TDRD3: variants seen among roughly 807,000 people sequenced by gnomAD.
TDRD3 encodes the protein tudor domain containing 3.
Under a neutral mutation model 86.7 loss-of-function variants are expected in TDRD3, and 45 were observed. That is an observed-to-expected ratio of 0.52 (90% CI 0.41 to 0.67). TDRD3 has a LOEUF of 0.67. TDRD3 is among the 30% of genes least tolerant of loss of function. The pLI is 0.00. For synonymous variants in TDRD3, 298 were observed against 301.7 expected (o/e 0.99, Z 0.13); for missense variants, 814 against 889.0 (o/e 0.92, Z 1.07).
chr13:60,462,460 G>T (rs919884935), intron 4 of TDRD3, among the ~76,000 whole-genome samples: 17 of 152,150 alleles, frequency 1.1e-4, no homozygotes, highest in African/African-American at 3.4e-4. Context: ...CGTAAAAATG[G>T]CAGCTGACAA....
At chr13:60,515,778 T>C (rs1244267769) in intron 10 of TDRD3, among the ~76,000 whole-genome samples, 1 of 152,222 alleles carries the variant, frequency 6.6e-6, no homozygotes, top group African/African-American at 2.4e-5. Flanking sequence ...GTATTTTTAA[T>C]TGGAGTTAAA....
Position 60,502,306 on chromosome 13 carries a change from G to A in TDRD3, c.859-7457G>A, listed in dbSNP as rs988240636. Among the ~76,000 whole-genome samples the A allele has an allele frequency of 2.0e-5, 3 of 152,144 alleles. No homozygotes were observed. The South Asian group carries it at 6.2e-4, about 32-fold the overall frequency. On this transcript the variant is annotated intron_variant, in intron 8 of 13. Coordinates refer to ENST00000377881, the MANE Select transcript of TDRD3 (RefSeq NM_001146070.2). The stretch of plus-strand genomic sequence containing the variant: ...ATCACCACTTGATTCACAGGAATAA[G>A]CAGGGTTAGTCTAAAATGTCAACAA...
At chr13:60,469,357 C>T (rs1956023485) in intron 5 of TDRD3, among the ~76,000 whole-genome samples, 1 of 151,660 alleles carries the variant, frequency 6.6e-6, no homozygotes, top group Non-Finnish European at 1.5e-5. Context: ...TTCCCACAAC[C>T]CAGTCCCATA....
chr13:60,472,852 C>T (rs925374329), intron 5 of TDRD3, among the ~76,000 whole-genome samples: 1 of 151,964 alleles, frequency 6.6e-6, no homozygotes, highest in Non-Finnish European at 1.5e-5. Flanking sequence ...GTGATTTCCA[C>T]GGACTGGGGG....
chr13:60,398,141 T>A (rs1378405757), intron 1 of TDRD3, among the ~76,000 whole-genome samples: 1 of 152,240 alleles, frequency 6.6e-6, no homozygotes, highest in East Asian at 1.9e-4. Context: ...GTTTCTGGAA[T>A]TGCGGCCATT....
At chr13:60,562,080 G>T (rs1013887798) in intron 12 of TDRD3, among the ~76,000 whole-genome samples, 1 of 152,120 alleles carries the variant, frequency 6.6e-6, no homozygotes, top group Non-Finnish European at 1.5e-5. Flanking sequence ...AGAGGCCAAG[G>T]TGTGTGGATC....
At chr13:60,517,581 C>T (rs920944952) in intron 10 of TDRD3, among the ~76,000 whole-genome samples, 2 of 152,196 alleles carry the variant, frequency 1.3e-5, no homozygotes, top group African/African-American at 4.8e-5. Flanking sequence ...CTACCCACAG[C>T]CTATCACTTT....
At chr13:60,555,889 C>T (rs1350795416) in intron 12 of TDRD3, among the ~76,000 whole-genome samples, 1 of 139,976 alleles carries the variant, frequency 7.1e-6, no homozygotes, top group South Asian at 2.2e-4. Flanking sequence ...CTCGCTCTGT[C>T]GCCCAGGCTG....
chr13:60,565,493 C>T (rs772196123), intron 12 of TDRD3, among the ~76,000 whole-genome samples: 8 of 152,034 alleles, frequency 5.3e-5, no homozygotes, highest in African/African-American at 1.7e-4. Flanking sequence ...TAGTTCAGTT[C>T]GTGAATTCTT....
intron 1 of TDRD3, among the ~76,000 whole-genome samples, chr13:60,403,315 A>G (rs575117163): frequency 1.3e-5 from 2 of 152,390 alleles, no homozygotes; most frequent in African/African-American, 4.8e-5. Context: ...TAACATTTTA[A>G]GAACCATAAA....
chr13:60,490,479 G>A (rs913207890), intron 7 of TDRD3, among the ~76,000 whole-genome samples: 1 of 152,070 alleles, frequency 6.6e-6, no homozygotes, highest in African/African-American at 2.4e-5. Context: ...AGATAATAGA[G>A]GTTACCTTAT....
At chr13:60,559,578 G>A (rs17058215) in intron 12 of TDRD3, among the ~76,000 whole-genome samples, 5,167 of 152,222 alleles carry the variant, frequency 0.034, 261 homozygotes, top group African/African-American at 0.1. Context: ...GAAGCCATCC[G>A]TTTAGTTAAA....
At chr13:60,527,167 A>T (rs1013762946) in intron 10 of TDRD3, among the ~76,000 whole-genome samples, 1 of 152,070 alleles carries the variant, frequency 6.6e-6, no homozygotes, top group Non-Finnish European at 1.5e-5. Flanking sequence ...TTAATCAGTG[A>T]CCTGTTTTGT....
intron 1 of TDRD3, among the ~76,000 whole-genome samples, chr13:60,425,085 A>G (rs1954767944): frequency 6.6e-6 from 1 of 152,228 alleles, no homozygotes; most frequent in Non-Finnish European, 1.5e-5. Context: ...TAGACAAACC[A>G]TTAGCTAACT....
rs115094567 is a variant in TDRD3, at chr13:60,433,891, G to A, written c.42-5797G>A. Among the ~76,000 whole-genome samples the A allele has an allele frequency of 9.3e-3, 1,420 of 152,276 alleles. 20 individuals are homozygous for A. The highest frequency in any genetic ancestry group is 0.032 in the African/African-American group (1,324 of 41,552). The stretch of plus-strand genomic sequence containing the variant: ...GATTTTACCTGCTTTCAAAGAAATG[G>A]ATCAAAAGAAAATTGGCCCTCTTCT... On this transcript the variant is annotated intron_variant, in intron 1 of 13. Coordinates refer to ENST00000377881, the MANE Select transcript of TDRD3 (RefSeq NM_001146070.2).
intron 11 of TDRD3, among the ~76,000 whole-genome samples, chr13:60,531,259 C>T (rs1320644203): frequency 1.3e-5 from 2 of 152,204 alleles, no homozygotes; most frequent in Admixed American, 1.3e-4. Flanking sequence ...AGGTGGTCTT[C>T]ACTATCCAGA....
At chr13:60,472,801 G>A (rs546093665) in intron 5 of TDRD3, among the ~76,000 whole-genome samples, 2 of 152,248 alleles carry the variant, frequency 1.3e-5, no homozygotes, top group African/African-American at 4.8e-5. Flanking sequence ...ACTTATGTGA[G>A]GTACTGAAAG....
chr13:60,572,937 G>T (rs375051406), intron 13 of TDRD3, among the ~76,000 whole-genome samples: 4 of 152,130 alleles, frequency 2.6e-5, no homozygotes, highest in African/African-American at 7.2e-5. Context: ...TATAGTACCC[G>T]ACGCTCTGTA....
At chr13:60,428,824 A>G (rs932184834) in intron 1 of TDRD3, among the ~76,000 whole-genome samples, 1 of 152,138 alleles carries the variant, frequency 6.6e-6, no homozygotes, top group Non-Finnish European at 1.5e-5. Flanking sequence ...ACCAGTGGTA[A>G]TTTTCTTCTT....
Sources: allele counts gnomAD v4.1 joint callset (sites outside exome capture counted in the v4.1 genomes callset), GRCh38; gene constraint gnomAD v4.1.1; transcripts MANE v1.5; gene names NCBI Gene and HGNC (gene_info 2026-07-23, HGNC 2026-07-21).